HECTD2: variants seen among roughly 807,000 people sequenced by gnomAD.
HECTD2 encodes HECT domain E3 ubiquitin protein ligase 2.
A neutral mutation model predicts 103.2 loss-of-function variants in HECTD2; 35 were observed. The ratio of observed to expected loss-of-function variants is 0.34; its 90% CI spans 0.26 to 0.45. HECTD2 has a LOEUF of 0.45. HECTD2 is among the 20% of genes least tolerant of loss of function. The pLI, the probability that HECTD2 is intolerant of heterozygous loss-of-function variation, is 1.00. For synonymous variants in HECTD2, 281 were observed against 329.9 expected (o/e 0.85, Z 1.61); for missense variants, 596 against 937.4 (o/e 0.64, Z 4.76).
intron 7 of HECTD2, among the ~76,000 whole-genome samples, chr10:91,482,629 A>T (rs1846134106): frequency 6.6e-6 from 1 of 152,018 alleles, no homozygotes; most frequent in African/African-American, 2.4e-5. Flanking sequence ...CTTTTTCGAT[A>T]CTCAAAACAA....
chr10:91,506,396 AAGAG>A (rs1327250331), intron 20 of HECTD2, among the ~76,000 whole-genome samples: 2,119 of 151,944 alleles, frequency 0.014, 7 homozygotes, highest in African/African-American at 0.047. Flanking sequence ...TAAAGAAAAA[AAGAG>A]AGAAGAATCA....
intron 20 of HECTD2, among the ~76,000 whole-genome samples, chr10:91,504,203 T>C (rs1405668373): frequency 1.3e-5 from 2 of 151,964 alleles, no homozygotes; most frequent in Non-Finnish European, 2.9e-5. Flanking sequence ...AACTGGAAAC[T>C]CTAAAAATCA....
At chr10:91,453,193 A>G (rs957129904) in intron 2 of HECTD2, among the ~76,000 whole-genome samples, 2 of 152,176 alleles carry the variant, frequency 1.3e-5, no homozygotes, top group East Asian at 3.8e-4. Context: ...GTGTTTTGGG[A>G]GGCCAAGACA....
chr10:91,456,139 G>A (rs1470312514), intron 2 of HECTD2, among the ~76,000 whole-genome samples: 1 of 152,098 alleles, frequency 6.6e-6, no homozygotes, highest in Non-Finnish European at 1.5e-5. Flanking sequence ...TGGGGGGGTG[G>A]CATTGAATCT....
chr10:91,467,299 C>T (rs557100531), intron 5 of HECTD2, among the ~76,000 whole-genome samples: 18 of 152,222 alleles, frequency 1.2e-4, no homozygotes, highest in Admixed American at 5.9e-4. Flanking sequence ...GCCTGTGTGG[C>T]GCCCAGATGG....
At chr10:91,484,706 G>A in intron 9 of HECTD2, 51 bp downstream of exon 9, 2 of 1,414,160 alleles carry the variant, frequency 1.4e-6, no homozygotes, top group Non-Finnish European at 1.9e-6. Context: ...TTACATTTTA[G>A]GGATATTTCT....
intron 2 of HECTD2, among the ~76,000 whole-genome samples, chr10:91,454,458 G>C (rs1174698777): frequency 6.6e-6 from 1 of 152,070 alleles, no homozygotes; most frequent in East Asian, 1.9e-4. Flanking sequence ...AAATCGATGA[G>C]ATGGAATGAA....
Position 91,501,350 on chromosome 10 carries a change from T to C in HECTD2, c.2210+16T>C, listed in dbSNP as rs1192825996. On this transcript the variant is annotated intron_variant, in intron 20 of 20. Transcript: ENST00000298068. ...CTACTAACTGGTAAATTTCTGGATC[T>C]AATTTTATTTTAAATCTAAAGGTTA... 3.9e-6 allele frequency: 6 copies of C among 1,519,186 alleles called. No individual in the cohort carries two copies. The highest frequency in any genetic ancestry group is 1.4e-5 in the African/African-American group (1 of 71,644). 94.1% of individuals were successfully genotyped at this position (1,519,186 alleles called of 1,614,324 possible).
intron 20 of HECTD2, among the ~76,000 whole-genome samples, chr10:91,511,641 A>G (rs1374863733): frequency 6.6e-6 from 1 of 152,118 alleles, no homozygotes; most frequent in Non-Finnish European, 1.5e-5. Context: ...CATAAGGGGC[A>G]TGCAACCTAG....
At chr10:91,438,958 T>C (rs1436101106) in intron 2 of HECTD2, among the ~76,000 whole-genome samples, 2 of 152,204 alleles carry the variant, frequency 1.3e-5, no homozygotes, top group African/African-American at 2.4e-5. Context: ...TTGAAGTTCC[T>C]TGTAGATTTT....
At position 91,496,161 on chromosome 10, in the gene HECTD2, AC is replaced by A. The variant is rs763481650; in HGVS notation, c.1522-52del. ...AAAATAGACTGATGCATAATTCAGA[AC>A]TCATTTGTTGTCATGGATTTTATGT... On this transcript the variant is annotated intron_variant, in intron 14 of 20. Transcript: ENST00000298068. The A allele has an allele frequency of 6.0e-5, 77 of 1,290,890 alleles. 1 individual carries two copies. The South Asian group carries it at 7.0e-4, about 12-fold the overall frequency. The allele number at this position is 1,290,890 out of a possible 1,614,324, so 80.0% of individuals were successfully genotyped here. A position where few individuals can be genotyped will look rare whatever the true frequency, so the allele number is the denominator to read the frequency against.
intron 20 of HECTD2, among the ~76,000 whole-genome samples, chr10:91,502,712 T>TTAA (rs1379720065): frequency 5.3e-5 from 8 of 152,108 alleles, no homozygotes; most frequent in African/African-American, 1.7e-4. Context: ...ATAACAGAAG[T>TTAA]TAATTTTTCA....
Position 91,410,364 on chromosome 10 carries a change from G to T in HECTD2, c.-75G>T. The T allele has an allele frequency of 1.0e-6, 1 of 996,620 alleles. No homozygotes were observed. The highest frequency in any genetic ancestry group is 1.3e-6 in the Non-Finnish European group (1 of 780,670). The allele number at this position is 996,620 out of a possible 1,614,324, so 61.7% of individuals were successfully genotyped here. A position where few individuals can be genotyped will look rare whatever the true frequency, so the allele number is the denominator to read the frequency against. On this transcript the variant is annotated 5_prime_UTR_variant, in exon 1 of 21. Coordinates refer to ENST00000298068, the MANE Select transcript of HECTD2 (RefSeq NM_182765.6). ...AGCCCAGAGCCCTCTCGCGGCCGCG[G>T]CGGCAGCAGCAGCGCCAGCCCCAGC...
chr10:91,416,329 C>G (rs1012314143), intron 1 of HECTD2, among the ~76,000 whole-genome samples: 2 of 152,180 alleles, frequency 1.3e-5, no homozygotes, highest in Non-Finnish European at 2.9e-5. Context: ...GTACAAAGCA[C>G]TCAGTGTTAG....
At chr10:91,409,376 C>T (rs1842824978), upstream of HECTD2, 1 of 152,192 alleles carries the variant, frequency 6.6e-6, no homozygotes. Context: ...CAAGTTTTTA[C>T]TCCTATTTGT....
At chr10:91,416,396 A>G (rs984853383) in intron 1 of HECTD2, among the ~76,000 whole-genome samples, 31 of 152,374 alleles carry the variant, frequency 2.0e-4, no homozygotes, top group Middle Eastern at 3.4e-3. Context: ...GACAGATCAC[A>G]TAATCTGAAG....
intron 5 of HECTD2, among the ~76,000 whole-genome samples, chr10:91,463,845 A>T (rs1434510474): frequency 6.6e-6 from 1 of 152,250 alleles, no homozygotes; most frequent in Admixed American, 6.5e-5. Flanking sequence ...TGATGTAAGT[A>T]TAAATTGGTA....
intron 2 of HECTD2, among the ~76,000 whole-genome samples, chr10:91,432,336 A>G (rs1301285761): frequency 2.0e-5 from 3 of 151,960 alleles, no homozygotes; most frequent in African/African-American, 4.8e-5. Context: ...GGAAACTGCA[A>G]AAACCCAGCG....
chr10:91,478,528 A>G (rs553857081), intron 6 of HECTD2, among the ~76,000 whole-genome samples: 1 of 152,310 alleles, frequency 6.6e-6, no homozygotes, highest in Non-Finnish European at 1.5e-5. Flanking sequence ...CTATGCAGAT[A>G]TATATGCTTA....
Sources: allele counts gnomAD v4.1 joint callset (sites outside exome capture counted in the v4.1 genomes callset), GRCh38; gene constraint gnomAD v4.1.1; transcripts MANE v1.5; gene names NCBI Gene and HGNC (gene_info 2026-07-23, HGNC 2026-07-21).